EYS: variants seen among roughly 807,000 people sequenced by gnomAD.
The protein encoded by EYS is EGF-like photoreceptor maintenance factor.
Under a neutral mutation model 282.1 loss-of-function variants are expected in EYS, and 250 were observed. The ratio of observed to expected loss-of-function variants is 0.89; its 90% CI spans 0.80 to 0.98. The LOEUF (loss-of-function observed/expected upper bound fraction) is 0.98, where lower values mean the gene tolerates loss of function less well. EYS is among the 50% of genes least tolerant of loss of function. The pLI, the probability that EYS is intolerant of heterozygous loss-of-function variation, is 0.00. For missense variants in EYS, 4,016 were observed against 3,709.0 expected (o/e 1.08, Z -2.15); for synonymous variants, 1,355 against 1,282.9 (o/e 1.06, Z -1.20).
chr6:65,023,221 A>G (rs897555566), intron 13 of EYS, among the ~76,000 whole-genome samples: 5 of 152,154 alleles, frequency 3.3e-5, no homozygotes, highest in Admixed American at 3.3e-4. Context: ...AGTTAATATT[A>G]TCTTTTTAAT....
intron 29 of EYS, 48 bp downstream of exon 29, chr6:64,388,642 C>G: frequency 7.3e-7 from 1 of 1,366,014 alleles, no homozygotes; most frequent in South Asian, 1.6e-5. Flanking sequence ...TGATGATTTT[C>G]AATAATTATT....
chr6:65,644,397 T>C (rs1767383906), intron 1 of EYS, among the ~76,000 whole-genome samples: 1 of 152,144 alleles, frequency 6.6e-6, no homozygotes, highest in South Asian at 2.1e-4. Context: ...GAACAAAGCC[T>C]ACAAAAAGTT....
intron 33 of EYS, among the ~76,000 whole-genome samples, chr6:64,031,279 G>A (rs1408100132): frequency 2.6e-5 from 4 of 152,236 alleles, no homozygotes; most frequent in African/African-American, 9.6e-5. Flanking sequence ...CCGGCCCTGG[G>A]CAGTGAGGGG....
chr6:65,423,737 C>T (rs1343328239), intron 5 of EYS, among the ~76,000 whole-genome samples: 1 of 151,930 alleles, frequency 6.6e-6, no homozygotes, highest in Non-Finnish European at 1.5e-5. Context: ...GTTACCCTCT[C>T]CTCCCAAACC....
intron 31 of EYS, among the ~76,000 whole-genome samples, chr6:64,164,346 A>T (rs965546746): frequency 2.6e-5 from 4 of 152,102 alleles, no homozygotes; most frequent in Non-Finnish European, 5.9e-5. Flanking sequence ...CTTGGAAAAA[A>T]TTATTACAAA....
At chr6:64,765,096 G>A (rs1773281658) in intron 22 of EYS, among the ~76,000 whole-genome samples, 1 of 152,124 alleles carries the variant, frequency 6.6e-6, no homozygotes, top group African/African-American at 2.4e-5. Context: ...ACACATATGA[G>A]CATATACTCT....
chr6:64,265,719 T>A (rs1255750271), intron 30 of EYS, among the ~76,000 whole-genome samples: 1 of 152,166 alleles, frequency 6.6e-6, no homozygotes, highest in East Asian at 1.9e-4. Context: ...GCAAGTTAAT[T>A]GACAACCAAT....
intron 24 of EYS, among the ~76,000 whole-genome samples, chr6:64,594,998 A>T (rs1217367085): frequency 6.6e-6 from 1 of 152,130 alleles, no homozygotes; most frequent in African/African-American, 2.4e-5. Context: ...ACATAAAAAA[A>T]TCCACAGGCA....
At chr6:64,963,088 G>A (rs1211085120) in intron 14 of EYS, among the ~76,000 whole-genome samples, 1 of 152,112 alleles carries the variant, frequency 6.6e-6, no homozygotes, top group East Asian at 1.9e-4. Flanking sequence ...TCACTCTACA[G>A]ACAATGGTTT....
At chr6:64,185,228 T>C (rs984191774) in intron 31 of EYS, among the ~76,000 whole-genome samples, 12 of 152,142 alleles carry the variant, frequency 7.9e-5, no homozygotes, top group African/African-American at 2.9e-4. Context: ...CAACCACATA[T>C]TTTAAATCAT....
intron 22 of EYS, among the ~76,000 whole-genome samples, chr6:64,721,973 T>C (rs1771596886): frequency 6.6e-6 from 1 of 152,180 alleles, no homozygotes; most frequent in Non-Finnish European, 1.5e-5. Flanking sequence ...CATTACACTG[T>C]TTCCAGAGTA....
At chr6:65,246,641 T>A (rs754095654) in intron 12 of EYS, among the ~76,000 whole-genome samples, 1 of 152,128 alleles carries the variant, frequency 6.6e-6, no homozygotes, top group Non-Finnish European at 1.5e-5. Flanking sequence ...TTTGCTCATA[T>A]TGCCTTTTCT....
At chr6:63,954,140 A>AC (rs1321760165) in intron 35 of EYS, among the ~76,000 whole-genome samples, 6 of 151,994 alleles carry the variant, frequency 3.9e-5, no homozygotes, top group African/African-American at 1.2e-4. Flanking sequence ...ACGACAACTG[A>AC]CCCCTGTGAC....
chr6:64,591,140 T>A lies in EYS; in HGVS notation c.4727A>T (p.His1576Leu). 1 of 1,551,366 alleles carries A rather than the reference T, an allele frequency of 6.4e-7. No individual in the cohort carries two copies. The highest frequency in any genetic ancestry group is 8.7e-7 in the Non-Finnish European group (1 of 1,146,790). ...CTCATAAAAGTGGGACTGTTTGCTA[T>A]GCAAAACTTGATCTGAGAATTCACG... ...SSREFSDQVL[H>L]SKQSHFYETF... is the part of the protein sequence containing the mutation. Residue 1576 changes from histidine (H) to leucine (L), a missense_variant, in exon 26 of 43, where the codon CAT becomes CTT. Physicochemically the swap from His to Leu is moderately conservative, Grantham distance 99. Coordinates refer to ENST00000503581, the MANE Select transcript of EYS (RefSeq NM_001142800.2).
At chr6:64,162,206 A>G (rs1243977920) in intron 31 of EYS, among the ~76,000 whole-genome samples, 2 of 152,316 alleles carry the variant, frequency 1.3e-5, no homozygotes, top group South Asian at 2.1e-4. Context: ...TCATATGCAC[A>G]TCCCCTTTCA....
intron 35 of EYS, among the ~76,000 whole-genome samples, chr6:63,962,502 T>C (rs2149776336): frequency 6.6e-6 from 1 of 152,074 alleles, no homozygotes; most frequent in South Asian, 2.1e-4. Flanking sequence ...AAAAAACACA[T>C]GAAAAAATGC....
At chr6:65,076,117 G>A (rs1008754172) in intron 12 of EYS, among the ~76,000 whole-genome samples, 5 of 151,926 alleles carry the variant, frequency 3.3e-5, no homozygotes, top group Admixed American at 1.3e-4. Context: ...TAAAGGTAAA[G>A]ATGATAGATC....
At chr6:64,924,808 C>T (rs1471616442) in intron 15 of EYS, among the ~76,000 whole-genome samples, 1 of 152,158 alleles carries the variant, frequency 6.6e-6, no homozygotes, top group East Asian at 1.9e-4. Context: ...CATCTGAGAC[C>T]ACTGCAGCCT....
intron 35 of EYS, among the ~76,000 whole-genome samples, chr6:63,867,610 C>T (rs190919756): frequency 2.6e-5 from 4 of 152,162 alleles, no homozygotes; most frequent in East Asian, 1.9e-4. Context: ...CATAAAGGCA[C>T]GAACAAATCT....
Sources: allele counts gnomAD v4.1 joint callset (sites outside exome capture counted in the v4.1 genomes callset), GRCh38; gene constraint gnomAD v4.1.1; transcripts MANE v1.5; gene names NCBI Gene and HGNC (gene_info 2026-07-23, HGNC 2026-07-21).